The following DAB2 variants were observed in gnomAD, a reference collection of about 807,000 sequenced individuals.
DAB2 encodes disabled homolog 2.
A neutral mutation model predicts 71.6 loss-of-function variants in DAB2; 28 were observed. The observed-to-expected ratio is 0.39, with a 90% CI of 0.29 to 0.54. The LOEUF (loss-of-function observed/expected upper bound fraction) is 0.54. Ranked by LOEUF, DAB2 falls within the 20% of genes least tolerant of loss-of-function variation. DAB2 has a pLI of 0.68. For synonymous variants in DAB2, 345 were observed against 339.7 expected, an observed-to-expected ratio of 1.02 and a Z score of -0.17; for missense variants, 867 against 928.8, an observed-to-expected ratio of 0.93 and a Z score of 0.86.
intron 5 of DAB2, 38 bp downstream of exon 5, chr5:39,390,406 G>A (rs1454560531): frequency 1.9e-6 from 3 of 1,599,416 alleles, no homozygotes; most frequent in Non-Finnish European, 2.6e-6. Flanking sequence ...GTCCACAGAG[G>A]ACAAGTCCCC....
chr5:39,405,247 A>G (rs978256367), intron 1 of DAB2, among the ~76,000 whole-genome samples: 1 of 152,220 alleles, frequency 6.6e-6, no homozygotes, highest in African/African-American at 2.4e-5. Context: ...GTGAATATGG[A>G]CATATGAGGC....
At chr5:39,378,528 C>T (rs1156817361) in intron 11 of DAB2, among the ~76,000 whole-genome samples, 2 of 152,132 alleles carry the variant, frequency 1.3e-5, no homozygotes, top group Non-Finnish European at 2.9e-5. Flanking sequence ...ATTATATCTT[C>T]GAGCTTCTTA....
At chr5:39,394,653 T>G (rs1755314939) in intron 1 of DAB2, among the ~76,000 whole-genome samples, 1 of 152,224 alleles carries the variant, frequency 6.6e-6, no homozygotes, top group Non-Finnish European at 1.5e-5. Context: ...AAGCACTTGA[T>G]ATCTGGTAAC....
At chr5:39,395,871 A>G (rs772596356) in intron 1 of DAB2, among the ~76,000 whole-genome samples, 1 of 149,106 alleles carries the variant, frequency 6.7e-6, no homozygotes, top group African/African-American at 2.5e-5. Context: ...AAAGATTCAT[A>G]GTAGTCCTGT....
At chr5:39,381,827 G>C (rs571386191) in intron 10 of DAB2, among the ~76,000 whole-genome samples, 1 of 152,208 alleles carries the variant, frequency 6.6e-6, no homozygotes, top group Non-Finnish European at 1.5e-5. Flanking sequence ...CTGAGTCTTA[G>C]TGTCTGACAC....
At chr5:39,392,615 C>A (rs964006783) in intron 3 of DAB2, 152 bp from the exon 4 acceptor site, 13 of 627,634 alleles carry the variant, frequency 2.1e-5, no homozygotes, top group African/African-American at 1.8e-4. Context: ...GACAGCAAGA[C>A]GGCATAGAAG....
intron 11 of DAB2, among the ~76,000 whole-genome samples, chr5:39,380,888 T>C (rs1754965704): frequency 6.6e-6 from 1 of 152,212 alleles, no homozygotes; most frequent in Admixed American, 6.5e-5. Context: ...ATGGCAGAAG[T>C]GCTCAGAGAC....
intron 1 of DAB2, among the ~76,000 whole-genome samples, chr5:39,408,225 C>T (rs780753370): frequency 6.6e-6 from 1 of 152,122 alleles, no homozygotes; most frequent in Non-Finnish European, 1.5e-5. Context: ...ACAGGTGGAA[C>T]GTATTTTTTG....
chr5:39,382,921 T>C lies in DAB2; in HGVS notation c.1038A>G (p.Gln346=), dbSNP rs372564827. The C allele has an allele frequency of 5.0e-5, 81 of 1,614,024 alleles. No individual in the cohort carries two copies. In the Middle Eastern group the frequency reaches 8.2e-4, roughly 16 times the overall value. The stretch of plus-strand genomic sequence containing the variant: ...CAGTCCGGTTAGAGATCTGGTCAAA[T>C]TGCTGACCAAAGTAGTCAACATCAC... ...LNGDVDYFGQ[Q]FDQISNRTGK... The change falls in exon 10 of 15, where the codon CAA becomes CAG. Residue 346 remains glutamine (Q), a synonymous_variant. Transcript: ENST00000320816.
intron 13 of DAB2, among the ~76,000 whole-genome samples, chr5:39,375,720 A>C (rs1754810828): frequency 6.6e-6 from 1 of 152,094 alleles, no homozygotes; most frequent in Non-Finnish European, 1.5e-5. Context: ...CCCCATCTCT[A>C]CAAAAAAATA....
At chr5:39,396,513 T>G (rs1203856189) in intron 1 of DAB2, among the ~76,000 whole-genome samples, 1 of 152,242 alleles carries the variant, frequency 6.6e-6, no homozygotes, top group Admixed American at 6.5e-5. Flanking sequence ...TGAGGGCAGT[T>G]GTAGCTATGC....
At chr5:39,378,741 C>T (rs1754889411) in intron 11 of DAB2, among the ~76,000 whole-genome samples, 1 of 152,188 alleles carries the variant, frequency 6.6e-6, no homozygotes, top group African/African-American at 2.4e-5. Context: ...ATGGTAGAAA[C>T]TGAAAATCAG....
intron 1 of DAB2, among the ~76,000 whole-genome samples, chr5:39,394,856 T>C (rs1755319483): frequency 6.6e-6 from 1 of 152,222 alleles, no homozygotes; most frequent in Non-Finnish European, 1.5e-5. Context: ...ATTGCTTAAC[T>C]ATAAAGGCAG....
rs367761304 is a variant in DAB2 at position 39,421,163 on chromosome 5, G to A, written c.-102+3641C>T. 6.6e-5 allele frequency among the ~76,000 whole-genome samples: 10 copies of A among 152,276 alleles called. No individual in the cohort carries two copies. The South Asian group carries it at 1.7e-3, about 25-fold the overall frequency. ...AGTAACTCCCTGTCTGTTCTAGCAT[G>A]AGCACAAGCAAACGCACTGGCTTTA... On this transcript the variant is annotated intron_variant, in intron 1 of 14. Transcript: ENST00000320816.
chr5:39,381,133 C>T (rs534916751), intron 11 of DAB2, among the ~76,000 whole-genome samples: 3 of 152,162 alleles, frequency 2.0e-5, no homozygotes, highest in Admixed American at 6.5e-5. Context: ...TTATGTCAAC[C>T]CTGTTTTGCT....
At chr5:39,393,509 G>A in intron 2 of DAB2, 116 bp from the exon 3 acceptor site, 1 of 1,068,964 alleles carries the variant, frequency 9.4e-7, no homozygotes, top group Non-Finnish European at 1.4e-6. Context: ...AACTGATCAT[G>A]TATGTAATAT....
intron 9 of DAB2, among the ~76,000 whole-genome samples, chr5:39,386,742 TC>T (rs924826049): frequency 6.6e-6 from 1 of 152,204 alleles, no homozygotes; most frequent in Non-Finnish European, 1.5e-5. Flanking sequence ...CCAGTGGAAT[TC>T]CACTTCATAT....
Position 39,372,912 on chromosome 5 carries a change from A to G in DAB2, c.*519T>C, listed in dbSNP as rs1225960276. On this transcript the variant is annotated 3_prime_UTR_variant, in exon 15 of 15. Transcript: ENST00000320816. ...CTAAGGAGAAGTTGTAGTTGCTTCA[A>G]TTTTACTTTAGAAATTCTCTGTAAC... 1 of 152,106 alleles carries G rather than the reference A, an allele frequency of 6.6e-6. No homozygotes were observed. The highest frequency in any genetic ancestry group is 1.9e-4 in the East Asian group (1 of 5,166). 9.4% of individuals were successfully genotyped at this position (152,106 alleles called of 1,614,324 possible).
chr5:39,384,787 A>G (rs928881837), intron 9 of DAB2, among the ~76,000 whole-genome samples: 1 of 151,974 alleles, frequency 6.6e-6, no homozygotes, highest in Non-Finnish European at 1.5e-5. Flanking sequence ...TAAATACTTA[A>G]CTATGCTACC....
Sources: gnomAD v4.1 joint callset for allele counts (sites outside exome capture counted in the v4.1 genomes callset) on GRCh38, gnomAD v4.1.1 for gene constraint, MANE v1.5 for transcripts, NCBI Gene and HGNC (gene_info 2026-07-23, HGNC 2026-07-21) for gene names.